Variants in CCDC171 observed in about 807,000 individuals in gnomAD.
The protein encoded by CCDC171 is coiled-coil domain-containing protein 171.
In CCDC171, 177 loss-of-function variants were observed where a neutral mutation model predicts 168.2. The observed-to-expected ratio is 1.05, with a 90% CI of 0.93 to 1.19. The LOEUF (loss-of-function observed/expected upper bound fraction) is 1.19, where lower values mean the gene tolerates loss of function less well. CCDC171 is among the 50% of genes most tolerant of loss of function. The pLI is 0.00. For missense variants in CCDC171, 1,991 were observed against 1,539.0 expected, an observed-to-expected ratio of 1.29 and a Z score of -4.91; for synonymous variants, 687 against 540.8, an observed-to-expected ratio of 1.27 and a Z score of -3.75.
intron 25 of CCDC171, among the ~76,000 whole-genome samples, chr9:15,945,574 A>G (rs1828254564): frequency 7.6e-6 from 1 of 131,050 alleles, no homozygotes; most frequent in African/African-American, 2.6e-5. Context: ...TTGCCATTCT[A>G]ACTGGTGTGA....
At chr9:15,875,368 A>G (rs991859130) in intron 24 of CCDC171, 6 of 151,908 alleles carry the variant, frequency 3.9e-5, no homozygotes, top group Non-Finnish European at 5.9e-5. Flanking sequence ...TTATGTCACT[A>G]TTGTATTAAT....
chr9:15,597,112 C>G (rs2042431061), intron 6 of CCDC171, among the ~76,000 whole-genome samples: 1 of 152,058 alleles, frequency 6.6e-6, no homozygotes, highest in South Asian at 2.1e-4. Context: ...TTGACTTCCT[C>G]TTTTCCTAAT....
chr9:15,689,751 GAGAA>G lies in CCDC171; in HGVS notation c.1216-5479_1216-5476del, dbSNP rs2050656492. On this transcript the variant is annotated intron_variant, in intron 10 of 25. Transcript: ENST00000380701. Reference sequence around the variant, plus strand: ...GACTATGAATAGCCAAAATAATCTTGAGAAAGAACCATAAAGTTGGAGTAGTAAC... The same window carrying G: ...GACTATGAATAGCCAAAATAATCTTGAGAACCATAAAGTTGGAGTAGTAAC... 2.0e-5 allele frequency among the ~76,000 whole-genome samples: 3 copies of G among 152,064 alleles called. No homozygotes were observed. The South Asian group carries it at 6.2e-4, about 32-fold the overall frequency.
intron 18 of CCDC171, chr9:15,776,331 CTG>C (rs1304717963): frequency 1.3e-5 from 2 of 152,066 alleles, no homozygotes; most frequent in Admixed American, 6.5e-5. Flanking sequence ...AACAAAAGGA[CTG>C]TGTATTTTCA....
chr9:15,995,702 A>G (rs985072881), intron 3 of CCDC171, among the ~76,000 whole-genome samples: 7 of 152,246 alleles, frequency 4.6e-5, no homozygotes, highest in African/African-American at 4.8e-5. Context: ...TTGTTGCTTC[A>G]TGATCAGCAG....
intron 3 of CCDC171, among the ~76,000 whole-genome samples, chr9:15,992,898 G>T (rs1422329178): frequency 6.6e-6 from 1 of 152,082 alleles, no homozygotes; most frequent in Admixed American, 6.5e-5. Flanking sequence ...GGATGTGAAG[G>T]ACCTCTTCAT....
intron 21 of CCDC171, among the ~76,000 whole-genome samples, chr9:15,835,146 A>G (rs757083668): frequency 9.2e-5 from 14 of 152,232 alleles, no homozygotes; most frequent in Admixed American, 8.5e-4. Flanking sequence ...TGATGTGACT[A>G]TTAGCTTAAG....
chr9:15,575,265 G>T (rs1160048164), intron 3 of CCDC171, among the ~76,000 whole-genome samples: 1 of 149,862 alleles, frequency 6.7e-6, no homozygotes, highest in African/African-American at 2.5e-5. Flanking sequence ...CGAACTCCTG[G>T]ACTCAAGTGA....
chr9:15,832,981 C>CTTTT (rs71325937), intron 21 of CCDC171, among the ~76,000 whole-genome samples: 3 of 69,430 alleles, frequency 4.3e-5, no homozygotes, highest in African/African-American at 5.6e-5. Flanking sequence ...TCATTATAAT[C>CTTTT]TTTTTTTTTT....
chr9:15,882,851 AG>A (rs1227050404), intron 24 of CCDC171, among the ~76,000 whole-genome samples: 2 of 148,772 alleles, frequency 1.3e-5, no homozygotes, highest in Non-Finnish European at 3.0e-5. Context: ...TCTGATTTCT[AG>A]GTTTTTTATT....
intron 25 of CCDC171, among the ~76,000 whole-genome samples, chr9:15,924,764 T>C (rs140315567): frequency 2.6e-4 from 40 of 151,746 alleles, no homozygotes; most frequent in African/African-American, 8.9e-4. Context: ...ATCTGACTTT[T>C]GAGTCTGTCA....
downstream of CCDC171, among the ~76,000 whole-genome samples, chr9:15,976,408 G>A (rs1301813545): frequency 6.6e-6 from 1 of 151,920 alleles, no homozygotes; most frequent in Non-Finnish European, 1.5e-5. Context: ...TATTGGGCCA[G>A]CATAGAGTCA....
chr9:15,613,930 G>T lies in CCDC171; in HGVS notation c.676-9337G>T, dbSNP rs770904247. On this transcript the variant is annotated intron_variant, in intron 6 of 25. Transcript: ENST00000380701. Reference sequence around the variant, plus strand: ...AAGTGTGTATTCTTTGTCATGTGTGGCCAATGAAATCTCTACTTGGTTTGT... The same window carrying T: ...AAGTGTGTATTCTTTGTCATGTGTGTCCAATGAAATCTCTACTTGGTTTGT... 3.9e-5 allele frequency among the ~76,000 whole-genome samples: 6 copies of T among 152,172 alleles called. No homozygotes were observed. The South Asian group carries it at 8.3e-4, about 21-fold the overall frequency.
At chr9:15,949,566 A>T (rs1405689996) in intron 25 of CCDC171, among the ~76,000 whole-genome samples, 1 of 152,148 alleles carries the variant, frequency 6.6e-6, no homozygotes, top group Non-Finnish European at 1.5e-5. Flanking sequence ...TCTTTGAAGC[A>T]ATTGTGAATG....
the CCDC171 span, among the ~76,000 whole-genome samples, chr9:16,093,672 G>C: frequency 6.6e-6 from 1 of 152,160 alleles, no homozygotes; most frequent in Middle Eastern, 3.2e-3. Context: ...GGGTATGTGT[G>C]ATAACTTAAG....
intron 11 of CCDC171, among the ~76,000 whole-genome samples, chr9:15,696,032 A>G (rs545170948): frequency 3.3e-5 from 5 of 152,196 alleles, no homozygotes; most frequent in Non-Finnish European, 7.3e-5. Context: ...TTTGACATAA[A>G]TACTTTTCTA....
intron 24 of CCDC171, among the ~76,000 whole-genome samples, chr9:15,903,397 C>G (rs1285737002): frequency 6.6e-6 from 1 of 152,134 alleles, no homozygotes; most frequent in Non-Finnish European, 1.5e-5. Context: ...TCTGCAGCCT[C>G]CACTGCTGAT....
chr9:16,099,361 G>C, the CCDC171 span, among the ~76,000 whole-genome samples: 29 of 152,206 alleles, frequency 1.9e-4, no homozygotes, highest in African/African-American at 6.0e-4. Context: ...TGGGAACATG[G>C]ATGGGAAACG....
chr9:15,576,475 A>C (rs1422996511), intron 3 of CCDC171, among the ~76,000 whole-genome samples: 1 of 152,080 alleles, frequency 6.6e-6, no homozygotes, highest in Non-Finnish European at 1.5e-5. Flanking sequence ...GGAGTGAGCC[A>C]CCGCACCTGG....
Sources: gnomAD v4.1 joint callset for allele counts (sites outside exome capture counted in the v4.1 genomes callset) on GRCh38, gnomAD v4.1.1 for gene constraint, MANE v1.5 for transcripts, NCBI Gene and HGNC (gene_info 2026-07-23, HGNC 2026-07-21) for gene names.